Variants in PDE1C observed in about 807,000 individuals in gnomAD.
The protein encoded by PDE1C is phosphodiesterase 1C, also known as dual specificity calcium/calmodulin-dependent 3',5'-cyclic nucleotide phosphodiesterase 1C.
Under a neutral mutation model 93.1 loss-of-function variants are expected in PDE1C, and 62 were observed. That is an observed-to-expected ratio of 0.67 (90% CI 0.54 to 0.82). The LOEUF (loss-of-function observed/expected upper bound fraction) is 0.82. PDE1C is among the 40% of genes least tolerant of loss of function. PDE1C has a pLI of 0.00. For missense variants in PDE1C, 742 were observed against 884.6 expected, an observed-to-expected ratio of 0.84 and a Z score of 2.04; for synonymous variants, 325 against 310.1, an observed-to-expected ratio of 1.05 and a Z score of -0.50.
chr7:32,328,024 C>G (rs1185869055), intron 1 of PDE1C, among the ~76,000 whole-genome samples: 2 of 152,136 alleles, frequency 1.3e-5, no homozygotes, highest in Non-Finnish European at 2.9e-5. Flanking sequence ...CTTCACATCT[C>G]TTGGTGCACA....
intron 16 of PDE1C, among the ~76,000 whole-genome samples, chr7:31,805,129 C>T (rs1216234346): frequency 6.6e-6 from 1 of 151,748 alleles, no homozygotes; most frequent in Non-Finnish European, 1.5e-5. Context: ...CTTTGCTCCT[C>T]CTTTGCCTTC....
the PDE1C span, among the ~76,000 whole-genome samples, chr7:31,720,024 G>A: frequency 1.3e-5 from 2 of 150,818 alleles, no homozygotes; most frequent in Non-Finnish European, 2.9e-5. Flanking sequence ...TTAGCCGGGC[G>A]CGGTGGCGGG....
chr7:31,833,698 C>T (rs1790709148), intron 11 of PDE1C, among the ~76,000 whole-genome samples: 1 of 151,930 alleles, frequency 6.6e-6, no homozygotes. Context: ...GGGTATCTGG[C>T]GGAAACAATT....
rs958319645 is a variant in PDE1C at position 31,927,474 on chromosome 7, G to A, written c.129-46614C>T. On this transcript the variant is annotated intron_variant, in intron 2 of 17. Coordinates refer to ENST00000396191, the MANE Select transcript of PDE1C (RefSeq NM_001191057.4). ...AGGGACAGACTGCCTCCTCAAGTGG[G>A]TCCCTGACACCCATGCCTCCTGACT... 9.9e-5 allele frequency among the ~76,000 whole-genome samples: 15 copies of A among 152,154 alleles called. 1 individual carries two copies. The highest frequency in any genetic ancestry group is 3.6e-4 in the African/African-American group (15 of 41,446).
intron 2 of PDE1C, among the ~76,000 whole-genome samples, chr7:32,002,339 A>G (rs80175227): frequency 0.035 from 5,271 of 152,250 alleles, 335 homozygotes; most frequent in African/African-American, 0.12. Flanking sequence ...CCTGCTACCC[A>G]GCCAAAGCAG....
At chr7:32,042,507 A>C (rs1791964004) in intron 2 of PDE1C, among the ~76,000 whole-genome samples, 1 of 152,166 alleles carries the variant, frequency 6.6e-6, no homozygotes, top group Admixed American at 6.5e-5. Flanking sequence ...TCAAATGAGA[A>C]AATGCATGTA....
At chr7:32,115,003 T>G (rs935568373) in intron 3 of PDE1C, among the ~76,000 whole-genome samples, 1 of 152,176 alleles carries the variant, frequency 6.6e-6, no homozygotes, top group African/African-American at 2.4e-5. Context: ...GGAACACTTT[T>G]ACACTATTGG....
At chr7:31,918,425 C>G (rs2128953570) in intron 2 of PDE1C, among the ~76,000 whole-genome samples, 1 of 152,308 alleles carries the variant, frequency 6.6e-6, no homozygotes, top group Admixed American at 6.5e-5. Context: ...CACGAAGACC[C>G]AAGTGATTTC....
chr7:31,954,346 AC>A (rs1349541792), intron 2 of PDE1C, among the ~76,000 whole-genome samples: 1 of 152,180 alleles, frequency 6.6e-6, no homozygotes, highest in African/African-American at 2.4e-5. Context: ...GAGCCTGAGT[AC>A]CCAAATCACC....
chr7:32,207,855 C>T (rs1805710265), intron 2 of PDE1C, among the ~76,000 whole-genome samples: 1 of 152,150 alleles, frequency 6.6e-6, no homozygotes, highest in Admixed American at 6.6e-5. Context: ...CCCCAACCTT[C>T]GTCTGTCTTG....
At chr7:31,778,091 T>A (rs1783134991) in intron 16 of PDE1C, among the ~76,000 whole-genome samples, 1 of 152,142 alleles carries the variant, frequency 6.6e-6, no homozygotes, top group African/African-American at 2.4e-5. Context: ...CCAACGATGA[T>A]CTTGTAATCT....
chr7:32,250,798 T>C (rs1809317267), intron 1 of PDE1C, among the ~76,000 whole-genome samples: 1 of 152,200 alleles, frequency 6.6e-6, no homozygotes, highest in East Asian at 1.9e-4. Flanking sequence ...TGTTTCATAG[T>C]TAACCCAAAT....
chr7:32,036,203 G>A (rs1408175800), intron 2 of PDE1C, among the ~76,000 whole-genome samples: 1 of 152,156 alleles, frequency 6.6e-6, no homozygotes, highest in Non-Finnish European at 1.5e-5. Context: ...TGAAGGAAGA[G>A]CCATCTAAAC....
the PDE1C span, among the ~76,000 whole-genome samples, chr7:31,622,920 G>T: frequency 2.6e-5 from 4 of 151,928 alleles, no homozygotes; most frequent in Admixed American, 2.0e-4. Context: ...ATGATAAAGG[G>T]GATATCACCA....
chr7:32,411,989 A>G (rs1156811898), intron 1 of PDE1C, among the ~76,000 whole-genome samples: 2 of 152,100 alleles, frequency 1.3e-5, no homozygotes, highest in African/African-American at 2.4e-5. Flanking sequence ...TTCTACCTCC[A>G]TATCTTGTCC....
At chr7:32,424,383 A>T (rs979356) in intron 1 of PDE1C, among the ~76,000 whole-genome samples, 116,419 of 152,168 alleles carry the variant, frequency 0.77, 44,796 homozygotes, top group Admixed American at 0.82. Flanking sequence ...CCAAGGTGAC[A>T]GTTTCTCTCT....
intron 2 of PDE1C, among the ~76,000 whole-genome samples, chr7:31,984,066 C>T (rs186817951): frequency 0.019 from 2,895 of 152,008 alleles, 48 homozygotes; most frequent in Non-Finnish European, 0.03. Context: ...AGGAAGAGTA[C>T]CTGAAGGCGG....
intron 17 of PDE1C, among the ~76,000 whole-genome samples, chr7:31,773,801 G>C (rs1228262435): frequency 6.6e-6 from 1 of 152,054 alleles, no homozygotes; most frequent in Non-Finnish European, 1.5e-5. Flanking sequence ...CAGCACTGGG[G>C]GCAGAAAGGA....
At chr7:31,974,975 A>G (rs1248109950) in intron 2 of PDE1C, among the ~76,000 whole-genome samples, 3 of 152,214 alleles carry the variant, frequency 2.0e-5, no homozygotes, top group Non-Finnish European at 4.4e-5. Flanking sequence ...GAGTTCATGA[A>G]AACATACAAA....
Sources: allele counts gnomAD v4.1 joint callset (sites outside exome capture counted in the v4.1 genomes callset), GRCh38; gene constraint gnomAD v4.1.1; transcripts MANE v1.5; gene names NCBI Gene and HGNC (gene_info 2026-07-23, HGNC 2026-07-21).